Variants in LDB2 observed in about 807,000 individuals in gnomAD.
LDB2 encodes the protein LIM domain-binding protein 2.
A neutral mutation model predicts 44.3 loss-of-function variants in LDB2; 12 were observed. The ratio of observed to expected loss-of-function variants is 0.27; its 90% confidence interval spans 0.17 to 0.44. The LOEUF is 0.44. LDB2 is among the 20% of genes least tolerant of loss of function. The probability of loss-of-function intolerance (pLI) is 1.00; values close to 1 mark genes in which losing one functional copy is unlikely to be tolerated. For synonymous variants in LDB2, 164 were observed against 174.8 expected (o/e 0.94, Z 0.49); for missense variants, 344 against 473.5 (o/e 0.73, Z 2.54).
intron 5 of LDB2, among the ~76,000 whole-genome samples, chr4:16,545,778 C>T (rs1735530721): frequency 6.6e-6 from 1 of 152,202 alleles, no homozygotes; most frequent in South Asian, 2.1e-4. Flanking sequence ...CCGGCTTATT[C>T]CCAAAGCCCC....
In LDB2 at chr4:16,503,068, C is replaced by T. The variant is rs539645649; in HGVS notation, c.892-195G>A. 131 of 1,538,644 alleles carry T rather than the reference C, an allele frequency of 8.5e-5. No individual in the cohort carries two copies. The African/African-American group carries it at 1.0e-3, about 12-fold the overall frequency. The stretch of plus-strand genomic sequence containing the variant: ...ATAAACATCGCCTCCTGATGTGTAA[C>T]AACCACGCGAGTTTATGTCCTTAGT... On this transcript the variant is annotated intron_variant, in intron 7 of 7. Transcript: ENST00000304523.
At chr4:16,766,365 C>T (rs1224885587) in intron 1 of LDB2, among the ~76,000 whole-genome samples, 3 of 150,984 alleles carry the variant, frequency 2.0e-5, no homozygotes, top group East Asian at 3.9e-4. Context: ...GAAGACCTAT[C>T]CAATTTATAT....
rs1054778101 is a variant in LDB2 at position 16,582,336 on chromosome 4, G to C, written c.615+3586C>G. Among the ~76,000 whole-genome samples the C allele has an allele frequency of 5.9e-5, 9 of 152,274 alleles. No individual in the cohort carries two copies. Among genetic ancestry groups the C allele is most frequent in the African/African-American group, 2.2e-4 (9 of 41,562 alleles). On this transcript the variant is annotated intron_variant, in intron 5 of 7. Coordinates refer to ENST00000304523, the MANE Select transcript of LDB2 (RefSeq NM_001290.5). This position sits in a 1 kb window ranked among gnomAD's most constrained non-coding sequence, Gnocchi z 4.8. ...CTCCACAGCCAGGTCTCATTGACCC[G>C]GATGGCCCAATGCGCACTAAACTGC...
intron 5 of LDB2, among the ~76,000 whole-genome samples, chr4:16,571,575 A>T (rs1746546983): frequency 6.6e-6 from 1 of 152,148 alleles, no homozygotes; most frequent in Admixed American, 6.5e-5. Context: ...TCAACATGGG[A>T]TGTAATCCCA....
chr4:16,696,458 A>G (rs1054977598), intron 2 of LDB2, among the ~76,000 whole-genome samples: 1 of 152,188 alleles, frequency 6.6e-6, no homozygotes, highest in Non-Finnish European at 1.5e-5. Flanking sequence ...GAGTTAGTAT[A>G]TATAAAAGAA....
chr4:16,809,907 G>A (rs574638163), intron 1 of LDB2, among the ~76,000 whole-genome samples: 2 of 152,240 alleles, frequency 1.3e-5, no homozygotes, highest in East Asian at 1.9e-4. Context: ...TAATACACTC[G>A]GCGGTAAATA....
At chr4:16,681,097 T>C (rs544987484) in intron 2 of LDB2, among the ~76,000 whole-genome samples, 2 of 152,224 alleles carry the variant, frequency 1.3e-5, no homozygotes, top group African/African-American at 2.4e-5. Context: ...GTCCTCAAAA[T>C]ATGGAAATTT....
intron 1 of LDB2, among the ~76,000 whole-genome samples, chr4:16,818,201 A>G (rs111476440): frequency 1.3e-5 from 2 of 152,174 alleles, no homozygotes; most frequent in South Asian, 2.1e-4. Context: ...ATCTCCCCAC[A>G]TGGTTCCTTA....
chr4:16,515,091 A>T (rs1482313448), intron 5 of LDB2, among the ~76,000 whole-genome samples: 2 of 152,214 alleles, frequency 1.3e-5, no homozygotes, highest in Non-Finnish European at 2.9e-5. Context: ...TTCACCATAG[A>T]ATACTACACA....
At chr4:16,817,711 A>C (rs540514501) in intron 1 of LDB2, among the ~76,000 whole-genome samples, 1 of 152,150 alleles carries the variant, frequency 6.6e-6, no homozygotes, top group Non-Finnish European at 1.5e-5. Context: ...TTAATCCTCA[A>C]AGTAATCATA....
At chr4:16,600,478 A>G (rs1321050287) in intron 2 of LDB2, among the ~76,000 whole-genome samples, 1 of 152,192 alleles carries the variant, frequency 6.6e-6, no homozygotes, top group Non-Finnish European at 1.5e-5. Context: ...ATGTTAGGTG[A>G]GTAAAATATA....
At chr4:16,814,045 G>A (rs1374468311) in intron 1 of LDB2, among the ~76,000 whole-genome samples, 1 of 151,874 alleles carries the variant, frequency 6.6e-6, no homozygotes, top group Non-Finnish European at 1.5e-5. Flanking sequence ...CTAATTTTTT[G>A]TATTTTTACT....
chr4:16,763,151 C>T (rs1461366350), intron 1 of LDB2, among the ~76,000 whole-genome samples: 1 of 145,398 alleles, frequency 6.9e-6, no homozygotes, highest in African/African-American at 2.5e-5. Context: ...CTTGAAAGAA[C>T]ATCCTCGAAA....
intron 2 of LDB2, among the ~76,000 whole-genome samples, chr4:16,629,608 G>C (rs777045876): frequency 2.6e-5 from 4 of 152,010 alleles, no homozygotes; most frequent in Non-Finnish European, 4.4e-5. Flanking sequence ...ACAGAAGTAG[G>C]CTTCAGAAGA....
chr4:16,874,628 T>C (rs1717824510), intron 1 of LDB2, among the ~76,000 whole-genome samples: 1 of 152,190 alleles, frequency 6.6e-6, no homozygotes, highest in African/African-American at 2.4e-5. Context: ...AAAATCAAAT[T>C]CAAAATTAGG....
chr4:16,832,598 A>G (rs2110058630), intron 1 of LDB2, among the ~76,000 whole-genome samples: 1 of 150,690 alleles, frequency 6.6e-6, no homozygotes, highest in African/African-American at 2.4e-5. Flanking sequence ...CGACAGTGTA[A>G]CTTCAAATTT....
intron 1 of LDB2, among the ~76,000 whole-genome samples, chr4:16,768,125 T>C (rs1320617853): frequency 6.6e-6 from 1 of 152,176 alleles, no homozygotes; most frequent in African/African-American, 2.4e-5. Context: ...CAACCACTTG[T>C]CATGTGGTAC....
intron 6 of LDB2, among the ~76,000 whole-genome samples, chr4:16,511,453 A>C (rs766897343): frequency 3.5e-4 from 53 of 152,156 alleles, no homozygotes; most frequent in Non-Finnish European, 6.5e-4. Flanking sequence ...TATCTTTAAA[A>C]ACAGAGCAAA....
intron 2 of LDB2, among the ~76,000 whole-genome samples, chr4:16,757,536 T>C (rs1225739049): frequency 6.6e-6 from 1 of 152,180 alleles, no homozygotes. Context: ...ACTGTAATTC[T>C]AGTTCCCTGA....
Sources: allele counts gnomAD v4.1 joint callset (sites outside exome capture counted in the v4.1 genomes callset), GRCh38; gene constraint gnomAD v4.1.1; non-coding constraint Gnocchi (gnomAD v3.1); transcripts MANE v1.5; gene names NCBI Gene and HGNC (gene_info 2026-07-23, HGNC 2026-07-21).